OTOG: variants seen among roughly 807,000 people sequenced by gnomAD.
OTOG encodes otogelin.
Under a neutral mutation model 313.8 loss-of-function variants are expected in OTOG, and 296 were observed. The ratio of observed to expected loss-of-function variants is 0.94; its 90% CI spans 0.86 to 1.04. OTOG has a LOEUF of 1.04. Among genes scored for constraint, OTOG ranks in the 50% least tolerant of loss-of-function variants. OTOG has a pLI of 0.00. For missense variants in OTOG, 3,948 were observed against 3,840.1 expected (o/e 1.03, Z -0.74); for synonymous variants, 1,533 against 1,554.9 (o/e 0.99, Z 0.33).
chr11:17,613,579 T>C (rs1853650479), intron 38 of OTOG, 33 bp from the exon 39 acceptor site: 10 of 1,534,106 alleles, frequency 6.5e-6, no homozygotes, highest in Non-Finnish European at 8.8e-6. Context: ...AGGACAGGGC[T>C]CCAAGTTGAT....
chr11:17,609,588 C>A, intron 35 of OTOG, 67 bp from the exon 36 acceptor site: 1 of 1,368,748 alleles, frequency 7.3e-7, no homozygotes, highest in Non-Finnish European at 9.8e-7. Context: ...CACCACAGCC[C>A]TGCCCAGCAA....
At chr11:17,586,638 G>C in intron 24 of OTOG, 57 bp downstream of exon 24, 1 of 860,114 alleles carries the variant, frequency 1.2e-6, no homozygotes, top group Non-Finnish European at 1.6e-6. Flanking sequence ...CATGGATATG[G>C]GTGCATAATC....
Position 17,586,512 on chromosome 11 carries a change from A to G in OTOG, c.2798A>G (p.Glu933Gly). 4 of 1,451,248 alleles carry G rather than the reference A, an allele frequency of 2.8e-6. No individual in the cohort carries two copies. The highest frequency in any genetic ancestry group is 3.6e-6 in the Non-Finnish European group (4 of 1,096,958). 89.9% of individuals were successfully genotyped at this position (1,451,248 alleles called of 1,614,324 possible). A position where few individuals can be genotyped will look rare whatever the true frequency, so the allele number is the denominator to read the frequency against. ...RHGDACFLPE[E>G]CPCTWKGKEY... is the part of the protein sequence containing the mutation. Reference sequence around the variant, plus strand: ...GGGGATGCATGTTTCCTGCCAGAGGAGTGCCCCTGCACTTGGAAGGGGAAG... The same window carrying G: ...GGGGATGCATGTTTCCTGCCAGAGGGGTGCCCCTGCACTTGGAAGGGGAAG... The change falls in exon 24 of 56, where the codon GAG (glutamate) becomes GGG (glycine). Residue 933 changes from glutamate (E) to glycine (G), a missense_variant. Coordinates refer to ENST00000399397, the MANE Select transcript of OTOG (RefSeq NM_001292063.2).
At position 17,609,941 on chromosome 11, in the gene OTOG, G is replaced by T. The variant is rs764159927; in HGVS notation, c.4641G>T (p.Glu1547Asp). The change falls in exon 36 of 56, where the codon GAG becomes GAT. Residue 1547 changes from glutamate (E) to aspartate (D), a missense_variant. Transcript: ENST00000399397. ...CTCAACTCCCCGCCGGCCCCACGGAGTCCCCAGCCAGCAAGGGAGTGACTG... is the reference window on the plus strand; with the variant it reads ...CTCAACTCCCCGCCGGCCCCACGGATTCCCCAGCCAGCAAGGGAGTGACTG... ...TASQLPAGPTESPASKGVTAS... is the reference protein window; with the variant it reads ...TASQLPAGPTDSPASKGVTAS... The T allele has an allele frequency of 8.1e-4, 1,240 of 1,538,114 alleles. 2 individuals are homozygous for T. Among genetic ancestry groups the T allele is most frequent in the Non-Finnish European group, 1.0e-3 (1,164 of 1,139,780 alleles).
intron 39 of OTOG, among the ~76,000 whole-genome samples, chr11:17,623,080 TTC>T (rs2134114340): frequency 6.6e-6 from 1 of 152,354 alleles, no homozygotes; most frequent in African/African-American, 2.4e-5. Flanking sequence ...TGATTTGCAT[TTC>T]TCTGATGATC....
In OTOG at chr11:17,645,557, C is replaced by G. The variant is rs1187728566; in HGVS notation, c.8462-7C>G. On this transcript the variant is annotated splice_region_variant and splice_polypyrimidine_tract_variant and intron_variant, in intron 54 of 55. Transcript: ENST00000399397. ...GCCACAGCTGCCTCATCCCCCTGTC[C>G]CCCCAGGTAAGGAGGATGGGCGCTC... 6.5e-7 allele frequency: 1 copy of G among 1,550,330 alleles called. No individual in the cohort carries two copies. The highest frequency in any genetic ancestry group is 2.4e-5 in the East Asian group (1 of 40,910).
chr11:17,582,027 G>A (rs1590018623), intron 23 of OTOG, among the ~76,000 whole-genome samples: 2 of 152,226 alleles, frequency 1.3e-5, no homozygotes, highest in South Asian at 2.1e-4. Flanking sequence ...TATCCCGGTA[G>A]TATTCCATTG....
At chr11:17,584,375 C>A (rs1266140939) in intron 23 of OTOG, among the ~76,000 whole-genome samples, 1 of 152,180 alleles carries the variant, frequency 6.6e-6, no homozygotes, top group African/African-American at 2.4e-5. Flanking sequence ...TTGCCTTCGT[C>A]TTGTTTTGGA....
intron 42 of OTOG, 137 bp downstream of exon 42, chr11:17,632,363 A>C: frequency 1.4e-6 from 1 of 705,932 alleles, no homozygotes; most frequent in Non-Finnish European, 2.0e-6. Context: ...TACATTAGTA[A>C]ATTTATAAAT....
Position 17,548,197 on chromosome 11 carries a change from A to C in OTOG, c.201A>C (p.Thr67=). Residue 67 remains threonine, a synonymous_variant, in exon 3 of 56, where the codon ACA becomes ACC. Transcript: ENST00000399397. ...EATLAMGDKA[T]VVGGQQAEAP... is the part of the protein sequence containing the mutation. ...CCCTTGCCATGGGGGACAAGGCTAC[A>C]GTCGTGGGAGGCCAGGTAAGGGAGG... 2 of 1,547,234 alleles carry C rather than the reference A, an allele frequency of 1.3e-6. No individual in the cohort carries two copies. Among genetic ancestry groups the C allele is most frequent in the Non-Finnish European group, 1.7e-6 (2 of 1,145,108 alleles).
chr11:17,631,738 T>C lies in OTOG; in HGVS notation c.6749T>C (p.Leu2250Pro), dbSNP rs952009331. Reference protein sequence around the residue: ...CDGDAANDLTLKDGSVVGGAE... With the variant: ...CDGDAANDLTPKDGSVVGGAE... Reference sequence around the variant, plus strand: ...GGAGATGCAGCCAATGACCTTACCCTGAAGGATGGCTCAGTGGTGGGTGGG... The same window carrying C: ...GGAGATGCAGCCAATGACCTTACCCCGAAGGATGGCTCAGTGGTGGGTGGG... Residue 2250 changes from leucine to proline, a missense_variant, in exon 41 of 56, where the codon CTG becomes CCG. Physicochemically the swap from Leu to Pro is moderately conservative, Grantham distance 98. Coordinates refer to ENST00000399397, the MANE Select transcript of OTOG (RefSeq NM_001292063.2). 10 of 1,550,504 alleles carry C rather than the reference T, an allele frequency of 6.4e-6. No homozygotes were observed. The African/African-American group carries it at 1.1e-4, about 17-fold the overall frequency.
At position 17,634,183 on chromosome 11, in the gene OTOG, T is replaced by A; in HGVS notation, c.7382T>A (p.Leu2461Gln). 1.3e-6 allele frequency: 2 copies of A among 1,550,356 alleles called. No individual in the cohort carries two copies. The highest frequency in any genetic ancestry group is 1.7e-6 in the Non-Finnish European group (2 of 1,146,952). Residue 2461 changes from leucine to glutamine, a missense_variant, in exon 44 of 56, where the codon CTG becomes CAG. Leu to Gln is a moderately radical substitution (Grantham distance 113). Transcript: ENST00000399397. ...CCAGACACCATTGTCCCGGTGGATC[T>A]GGGCTGCCCCAGTCCCCGCCCTGAG... ...QAPDTIVPVD[L>Q]GCPSPRPESC...
chr11:17,635,835 G>A, intron 47 of OTOG, 124 bp downstream of exon 47: 2 of 765,018 alleles, frequency 2.6e-6, no homozygotes, highest in South Asian at 3.2e-5. Flanking sequence ...GCTCTGGAGG[G>A]GCCGAGCAGC....
At chr11:17,576,831 T>G (rs1276860427) in intron 21 of OTOG, 37 bp from the exon 22 acceptor site, 3 of 1,549,110 alleles carry the variant, frequency 1.9e-6, no homozygotes, top group Non-Finnish European at 1.7e-6. Flanking sequence ...CTGCAGTGAC[T>G]GGGTCGGCTA....
At chr11:17,612,436 C>T in intron 37 of OTOG, 106 bp downstream of exon 37, 1 of 1,424,430 alleles carries the variant, frequency 7.0e-7, no homozygotes, top group Admixed American at 2.4e-5. Flanking sequence ...CTGTGGGACC[C>T]CGACCTGGCA....
chr11:17,583,897 T>G (rs1401521117), intron 23 of OTOG, among the ~76,000 whole-genome samples: 1 of 152,216 alleles, frequency 6.6e-6, no homozygotes, highest in African/African-American at 2.4e-5. Flanking sequence ...TAGATCAATT[T>G]GGGGAGAATT....
chr11:17,565,253 A>G (rs1207671056), intron 15 of OTOG, among the ~76,000 whole-genome samples: 1 of 152,178 alleles, frequency 6.6e-6, no homozygotes, highest in Non-Finnish European at 1.5e-5. Context: ...CAAAGTTTGA[A>G]GAGTGCTGGT....
At chr11:17,642,345 G>T (rs371749315) in intron 53 of OTOG, 99 bp downstream of exon 53, 1 of 1,408,236 alleles carries the variant, frequency 7.1e-7, no homozygotes, top group Non-Finnish European at 9.4e-7. Flanking sequence ...CAGGAAGAAG[G>T]GCTCCCTGGA....
intron 8 of OTOG, 133 bp downstream of exon 8, chr11:17,557,456 C>G (rs1028506177): frequency 1.1e-5 from 9 of 827,614 alleles, no homozygotes; most frequent in African/African-American, 8.6e-5. Flanking sequence ...AATGGAAGGC[C>G]AAGGACCCCT....
Sources: gnomAD v4.1 joint callset for allele counts (sites outside exome capture counted in the v4.1 genomes callset) on GRCh38, gnomAD v4.1.1 for gene constraint, MANE v1.5 for transcripts, NCBI Gene and HGNC (gene_info 2026-07-23, HGNC 2026-07-21) for gene names.